CCDC91: variants seen among roughly 807,000 people sequenced by gnomAD.
The protein encoded by CCDC91 is coiled-coil domain containing 91.
CCDC91 carries 48 observed loss-of-function variants against 63.2 expected under a neutral mutation model. That is an observed-to-expected ratio of 0.76 (90% CI 0.60 to 0.97). The LOEUF (loss-of-function observed/expected upper bound fraction) is 0.97, where lower values mean the gene tolerates loss of function less well. Ranked by LOEUF, CCDC91 falls within the 50% of genes least tolerant of loss-of-function variation. The pLI, the probability that CCDC91 is intolerant of heterozygous loss-of-function variation, is 0.00. For missense variants in CCDC91, 500 were observed against 494.6 expected, an observed-to-expected ratio of 1.01 and a Z score of -0.10; for synonymous variants, 167 against 165.8, an observed-to-expected ratio of 1.01 and a Z score of -0.06.
chr12:28,362,367 G>A (rs1455382643), intron 6 of CCDC91, 71 bp from the exon 7 acceptor site: 1 of 1,090,442 alleles, frequency 9.2e-7, no homozygotes, highest in Non-Finnish European at 1.3e-6. Context: ...AGCAGCAAAA[G>A]TCTATGGTTT....
intron 12 of CCDC91, among the ~76,000 whole-genome samples, chr12:28,485,008 G>A (rs1385494135): frequency 6.6e-6 from 1 of 151,730 alleles, no homozygotes; most frequent in Non-Finnish European, 1.5e-5. Flanking sequence ...CACATAAACA[G>A]TGTGTATGAG....
At chr12:28,470,828 G>T (rs1257199462) in intron 11 of CCDC91, among the ~76,000 whole-genome samples, 1 of 151,734 alleles carries the variant, frequency 6.6e-6, no homozygotes, top group East Asian at 1.9e-4. Context: ...AAATAAGCCA[G>T]GCACAGAAAG....
chr12:28,448,630 T>C (rs1949652449), intron 8 of CCDC91, among the ~76,000 whole-genome samples: 2 of 152,172 alleles, frequency 1.3e-5, no homozygotes. Flanking sequence ...TAGTGATTTC[T>C]ATTAGTTTGA....
intron 12 of CCDC91, among the ~76,000 whole-genome samples, chr12:28,547,905 G>A (rs1212363595): frequency 6.6e-6 from 1 of 152,094 alleles, no homozygotes. Flanking sequence ...GCAGGGGCTT[G>A]TGAGAAGAAT....
At chr12:28,307,335 C>G (rs1241514746) in intron 5 of CCDC91, among the ~76,000 whole-genome samples, 1 of 151,798 alleles carries the variant, frequency 6.6e-6, no homozygotes, top group East Asian at 1.9e-4. Flanking sequence ...TTAGTAAATT[C>G]TTTACTTATG....
chr12:28,291,737 A>T (rs1555176172), intron 3 of CCDC91, among the ~76,000 whole-genome samples: 2 of 152,170 alleles, frequency 1.3e-5, no homozygotes, highest in Non-Finnish European at 1.5e-5. Context: ...CAAAATGATG[A>T]TTTTTTTGAT....
Position 28,428,170 on chromosome 12 carries a change from G to A in CCDC91, c.763-21991G>A, listed in dbSNP as rs539744755. ...GTCATCATTATTCACAGTGTTCACT[G>A]TGTGCCCTCATATACTTCATAGAAA... On this transcript the variant is annotated intron_variant, in intron 8 of 12. Coordinates refer to ENST00000536442, the MANE Select transcript of CCDC91 (RefSeq NM_018318.5). Among the ~76,000 whole-genome samples the A allele has an allele frequency of 4.6e-5, 7 of 152,242 alleles. No homozygotes were observed. In the East Asian group the frequency reaches 5.8e-4, roughly 13 times the overall value.
intron 11 of CCDC91, among the ~76,000 whole-genome samples, chr12:28,478,564 T>C (rs1327334684): frequency 6.6e-6 from 1 of 152,190 alleles, no homozygotes; most frequent in African/African-American, 2.4e-5. Context: ...AAGGACTTCA[T>C]ATTTAAAACA....
chr12:28,215,832 T>C (rs1448797833), intron 1 of CCDC91, among the ~76,000 whole-genome samples: 3 of 152,162 alleles, frequency 2.0e-5, no homozygotes, highest in African/African-American at 7.2e-5. Flanking sequence ...CAGGAATTGA[T>C]ACATCTTTTT....
intron 11 of CCDC91, among the ~76,000 whole-genome samples, chr12:28,470,228 A>T (rs934195351): frequency 5.9e-5 from 9 of 152,150 alleles, no homozygotes; most frequent in Non-Finnish European, 8.8e-5. Flanking sequence ...AGTTCAAACA[A>T]CCCTATAGGA....
At chr12:28,261,951 A>G (rs1384526689) in intron 3 of CCDC91, among the ~76,000 whole-genome samples, 1 of 152,024 alleles carries the variant, frequency 6.6e-6, no homozygotes, top group Non-Finnish European at 1.5e-5. Flanking sequence ...GGAGAATAAC[A>G]AACATGGCTA....
intron 3 of CCDC91, among the ~76,000 whole-genome samples, chr12:28,268,128 A>G (rs1193345437): frequency 2.7e-5 from 4 of 150,708 alleles, no homozygotes; most frequent in South Asian, 2.1e-4. Context: ...CACTGGCACA[A>G]TCTTGGCTCA....
At chr12:28,405,287 CT>C (rs1390576545) in intron 8 of CCDC91, among the ~76,000 whole-genome samples, 1 of 152,020 alleles carries the variant, frequency 6.6e-6, no homozygotes, top group African/African-American at 2.4e-5. Context: ...CTGTGAGTAC[CT>C]TACAATACTA....
chr12:28,486,430 A>G (rs1951729609), intron 12 of CCDC91, among the ~76,000 whole-genome samples: 3 of 152,168 alleles, frequency 2.0e-5, no homozygotes, highest in South Asian at 2.1e-4. Flanking sequence ...TCTTAATAGT[A>G]TATGGCCAAT....
chr12:28,229,485 A>G (rs1944461851), intron 1 of CCDC91, among the ~76,000 whole-genome samples: 2 of 152,220 alleles, frequency 1.3e-5, no homozygotes, highest in Admixed American at 6.5e-5. Context: ...TAGAAGAGAC[A>G]TTAAAGCTGA....
At chr12:28,522,014 G>A (rs1314848669) in intron 12 of CCDC91, among the ~76,000 whole-genome samples, 1 of 152,144 alleles carries the variant, frequency 6.6e-6, no homozygotes, top group East Asian at 1.9e-4. Flanking sequence ...TGTTCATCAG[G>A]GATATTGGTC....
At chr12:28,419,486 TTTTTGTCAATCTAA>T (rs1947875416) in intron 8 of CCDC91, among the ~76,000 whole-genome samples, 1 of 152,192 alleles carries the variant, frequency 6.6e-6, no homozygotes, top group African/African-American at 2.4e-5. Flanking sequence ...AATAAATCTT[TTTTTGTCAATCTAA>T]TTTCAATAAA....
intron 11 of CCDC91, among the ~76,000 whole-genome samples, chr12:28,462,794 A>T (rs1176425307): frequency 6.6e-6 from 1 of 152,156 alleles, no homozygotes; most frequent in East Asian, 1.9e-4. Flanking sequence ...GAGTGCTTTG[A>T]GAGTGATAAA....
chr12:28,249,190 A>C (rs1169492690), intron 1 of CCDC91, among the ~76,000 whole-genome samples: 2 of 152,208 alleles, frequency 1.3e-5, no homozygotes, highest in Non-Finnish European at 2.9e-5. Context: ...CTTTAAAGAA[A>C]TACTGGGTGT....
Sources: allele counts gnomAD v4.1 joint callset (sites outside exome capture counted in the v4.1 genomes callset), GRCh38; gene constraint gnomAD v4.1.1; transcripts MANE v1.5; gene names NCBI Gene and HGNC (gene_info 2026-07-23, HGNC 2026-07-21).